SYK: variants seen among roughly 807,000 people sequenced by gnomAD.
The protein encoded by SYK is spleen associated tyrosine kinase.
In SYK, 16 loss-of-function variants were observed where a neutral mutation model predicts 77.8. The observed-to-expected ratio is 0.21, with a 90% CI of 0.14 to 0.31. SYK has a LOEUF of 0.31. SYK is among the 10% of genes least tolerant of loss of function. The pLI, the probability that SYK is intolerant of heterozygous loss-of-function variation, is 1.00. For synonymous variants in SYK, 312 were observed against 308.7 expected (o/e 1.01, Z -0.11); for missense variants, 529 against 814.4 (o/e 0.65, Z 4.26).
At chr9:90,854,790 T>C (rs576877598) in intron 3 of SYK, among the ~76,000 whole-genome samples, 53 of 152,178 alleles carry the variant, frequency 3.5e-4, no homozygotes, top group Non-Finnish European at 7.1e-4. Flanking sequence ...GAAATTCAGG[T>C]GCCCTCCTGA....
At chr9:90,829,945 T>C (rs1329709616) in intron 1 of SYK, among the ~76,000 whole-genome samples, 1 of 152,240 alleles carries the variant, frequency 6.6e-6, no homozygotes, top group Non-Finnish European at 1.5e-5. Flanking sequence ...CAGCCTTTAC[T>C]TGATGCACTT....
At chr9:90,847,094 C>G (rs182828420) in intron 3 of SYK, among the ~76,000 whole-genome samples, 26 of 152,306 alleles carry the variant, frequency 1.7e-4, no homozygotes, top group African/African-American at 6.0e-4. Flanking sequence ...ATGGCCATGA[C>G]TTTTGCTCTC....
chr9:90,863,966 T>G (rs575105324), intron 4 of SYK, among the ~76,000 whole-genome samples: 174 of 152,346 alleles, frequency 1.1e-3, no homozygotes, highest in African/African-American at 4.0e-3. Context: ...ATCATAGCAT[T>G]CATCCCTAAT....
intron 1 of SYK, among the ~76,000 whole-genome samples, chr9:90,821,342 A>G (rs762497283): frequency 2.0e-5 from 3 of 152,228 alleles, no homozygotes; most frequent in Non-Finnish European, 4.4e-5. Flanking sequence ...TGATAAAGAC[A>G]TATCTAAGAC....
chr9:90,867,908 T>C (rs1827579728), intron 7 of SYK, among the ~76,000 whole-genome samples: 2 of 152,222 alleles, frequency 1.3e-5, no homozygotes, highest in South Asian at 4.1e-4. Context: ...TGTGTTTGAA[T>C]TGCTTTTTTT....
chr9:90,877,445 AT>A, intron 9 of SYK, 125 bp from the exon 10 acceptor site: 1 of 1,016,030 alleles, frequency 9.8e-7, no homozygotes, highest in Non-Finnish European at 1.5e-6. Context: ...CTGAAGACAC[AT>A]TGCCACTCTG....
Position 90,806,808 on chromosome 9 carries a change from A to G in SYK, c.-42+4915A>G, listed in dbSNP as rs571791858. ...AGATGGTTTTTAACTCCACTTTAAC[A>G]GTTAGCATCTATGTTTTACATCAGT... On this transcript the variant is annotated intron_variant, in intron 1 of 13. Coordinates refer to ENST00000375754, the MANE Select transcript of SYK (RefSeq NM_003177.7). Among the ~76,000 whole-genome samples, 163 of 119,636 alleles carry G rather than the reference A, an allele frequency of 1.4e-3. 1 individual carries two copies. Among genetic ancestry groups the G allele is most frequent in the African/African-American group, 4.9e-3 (160 of 32,360 alleles). The allele number at this position is 119,636 out of a possible 152,430, so 78.5% of individuals were successfully genotyped here. A position where few individuals can be genotyped will look rare whatever the true frequency, so the allele number is the denominator to read the frequency against.
chr9:90,843,171 C>T lies in SYK; in HGVS notation c.-41-687C>T, dbSNP rs144629929. 3.7e-4 allele frequency among the ~76,000 whole-genome samples: 56 copies of T among 152,196 alleles called. No homozygotes were observed. The East Asian group carries it at 7.8e-3, about 21-fold the overall frequency. On this transcript the variant is annotated intron_variant, in intron 1 of 13. Coordinates refer to ENST00000375754, the MANE Select transcript of SYK (RefSeq NM_003177.7). ...AAGACAGCCTATGGGCCCCAGGCCT[C>T]GGGAGCCAGGGAGGGTGTCACTCTT...
At chr9:90,884,310 C>CACATACACATACGTGTAT (rs1828324733) in intron 11 of SYK, among the ~76,000 whole-genome samples, 1 of 88,502 alleles carries the variant, frequency 1.1e-5, no homozygotes, top group Non-Finnish European at 2.6e-5. Context: ...TATATACACA[C>CACATACACATACGTGTAT]ATATACACAT....
intron 1 of SYK, among the ~76,000 whole-genome samples, chr9:90,840,877 G>A (rs1826282591): frequency 6.6e-6 from 1 of 152,218 alleles, no homozygotes; most frequent in Non-Finnish European, 1.5e-5. Context: ...CTGACTTGTG[G>A]ATAGACACCG....
chr9:90,853,874 TAATAAAATAA>T (rs564880395), intron 3 of SYK, among the ~76,000 whole-genome samples: 1 of 151,138 alleles, frequency 6.6e-6, no homozygotes, highest in Non-Finnish European at 1.5e-5. Context: ...AGTATAATAA[TAATAAAATAA>T]AATAAAATAA....
chr9:90,872,156 C>T (rs1353121389), intron 7 of SYK, among the ~76,000 whole-genome samples: 1 of 152,170 alleles, frequency 6.6e-6, no homozygotes, highest in Non-Finnish European at 1.5e-5. Context: ...CAGGGAATTG[C>T]GTTCTGGTTT....
At chr9:90,856,458 G>T (rs919324453) in intron 3 of SYK, among the ~76,000 whole-genome samples, 1 of 151,844 alleles carries the variant, frequency 6.6e-6, no homozygotes, top group African/African-American at 2.4e-5. Flanking sequence ...CCTTTTCTGT[G>T]TCCTGTGCTA....
chr9:90,894,334 G>C (rs1021887890), intron 13 of SYK, among the ~76,000 whole-genome samples: 1 of 152,196 alleles, frequency 6.6e-6, no homozygotes, highest in African/African-American at 2.4e-5. Flanking sequence ...GCCCCTCTCA[G>C]TGACACCCTG....
At position 90,829,308 on chromosome 9, in the gene SYK, C is replaced by T. The variant is rs532697789; in HGVS notation, c.-41-14550C>T. Among the ~76,000 whole-genome samples the T allele has an allele frequency of 6.6e-5, 10 of 151,480 alleles. No individual in the cohort carries two copies. In the South Asian group the frequency reaches 1.0e-3, roughly 16 times the overall value. ...CGTCTCAAAAAAAAAAAAAAATCAC[C>T]TAGGAAGCTGTTTAAAATTTACCCT... On this transcript the variant is annotated intron_variant, in intron 1 of 13. Coordinates refer to ENST00000375754, the MANE Select transcript of SYK (RefSeq NM_003177.7).
At chr9:90,811,764 C>CA (rs3057733) in intron 1 of SYK, among the ~76,000 whole-genome samples, 20,771 of 147,338 alleles carry the variant, frequency 0.14, 1,717 homozygotes, top group Middle Eastern at 0.22. Context: ...TGACAAATAC[C>CA]AAAAAAAAAA....
chr9:90,862,398 C>G (rs1054699550), intron 4 of SYK, 54 bp downstream of exon 4: 42 of 1,575,620 alleles, frequency 2.7e-5, no homozygotes, highest in Admixed American at 1.1e-4. Context: ...ACGTGGGGCT[C>G]CTTGTCCCAT....
At chr9:90,846,414 C>T (rs932185614) in intron 3 of SYK, among the ~76,000 whole-genome samples, 5 of 152,176 alleles carry the variant, frequency 3.3e-5, no homozygotes, top group African/African-American at 9.7e-5. Context: ...AATCCCCAGC[C>T]GACTTCGTAA....
intron 7 of SYK, among the ~76,000 whole-genome samples, chr9:90,867,769 T>C (rs528745960): frequency 6.6e-6 from 1 of 152,356 alleles, no homozygotes; most frequent in East Asian, 1.9e-4. Context: ...GGCAGTAATG[T>C]TGACATCTCA....
Sources: gnomAD v4.1 joint callset for allele counts (sites outside exome capture counted in the v4.1 genomes callset) on GRCh38, gnomAD v4.1.1 for gene constraint, MANE v1.5 for transcripts, NCBI Gene and HGNC (gene_info 2026-07-23, HGNC 2026-07-21) for gene names.